Variants in PC observed in about 807,000 individuals in gnomAD.
The protein encoded by PC is pyruvate carboxylase.
A neutral mutation model predicts 107.8 loss-of-function variants in PC; 46 were observed. The observed-to-expected ratio is 0.43, with a 90% CI of 0.34 to 0.55. The LOEUF (loss-of-function observed/expected upper bound fraction) is 0.55, where lower values mean the gene tolerates loss of function less well. Among genes scored for constraint, PC ranks in the 20% least tolerant of loss-of-function variants. The probability of loss-of-function intolerance (pLI) is 0.04; values close to 1 mark genes in which losing one functional copy is unlikely to be tolerated. For missense variants in PC, 1,241 were observed against 1,643.1 expected (o/e 0.76, Z 4.23); for synonymous variants, 662 against 684.7 (o/e 0.97, Z 0.52).
At chr11:66,894,662 G>A (rs753463284) in intron 3 of PC, among the ~76,000 whole-genome samples, 1 of 152,164 alleles carries the variant, frequency 6.6e-6, no homozygotes, top group African/African-American at 2.4e-5. Context: ...GCAGCTCCAG[G>A]CCTCCCACCT....
At chr11:66,894,481 T>A (rs930021946) in intron 3 of PC, among the ~76,000 whole-genome samples, 10 of 152,176 alleles carry the variant, frequency 6.6e-5, no homozygotes, top group East Asian at 1.9e-4. Context: ...ATATATATAT[T>A]TTTAAAGCTA....
Position 66,857,886 on chromosome 11 carries a change from C to T in PC, c.1369-4503G>A, listed in dbSNP as rs773420041. On this transcript the variant is annotated intron_variant, in intron 12 of 22. Transcript: ENST00000393960. The surrounding 1 kb of genome is among the most constrained non-coding windows in gnomAD (Gnocchi z 7.1). ...GCTGTTTGTGCCGCCCAACGTGGAC[C>T]GGCGCACAGTGGAGCTGCGGCTGGC... is the stretch of plus-strand genomic sequence containing the variant. 12 of 1,611,316 alleles carry T rather than the reference C, an allele frequency of 7.4e-6. No individual in the cohort carries two copies. Among genetic ancestry groups the T allele is most frequent in the Admixed American group, 5.0e-5 (3 of 59,992 alleles).
chr11:66,878,119 C>T (rs1011166172), intron 3 of PC, among the ~76,000 whole-genome samples: 1 of 152,196 alleles, frequency 6.6e-6, no homozygotes, highest in Non-Finnish European at 1.5e-5. Flanking sequence ...GGCTATGTGT[C>T]TCCCAGGAGC....
intron 3 of PC, among the ~76,000 whole-genome samples, chr11:66,878,673 G>A (rs1251926923): frequency 6.6e-6 from 1 of 152,232 alleles, no homozygotes; most frequent in Non-Finnish European, 1.5e-5. Context: ...ATGCCTCCGT[G>A]AGTCCTTGTG....
chr11:66,904,858 T>A (rs150057023), intron 3 of PC, among the ~76,000 whole-genome samples: 3 of 152,340 alleles, frequency 2.0e-5, no homozygotes, highest in East Asian at 3.9e-4. Context: ...CTATCATCCA[T>A]CATATGACCT....
In PC at chr11:66,871,073, C is replaced by A. The variant is rs767832081; in HGVS notation, c.612G>T (p.Met204Ile). 8 of 1,613,978 alleles carry A rather than the reference C, an allele frequency of 5.0e-6. No individual in the cohort carries two copies. The South Asian group carries it at 8.8e-5, about 18-fold the overall frequency. The change falls in exon 7 of 23, where the codon ATG becomes ATT. Residue 204 changes from methionine to isoleucine, a missense_variant. Met to Ile is a conservative substitution (Grantham distance 10). This residue lies in a region of PC where 1,143 missense variants were observed against 1,551.9 expected (regional missense o/e 0.74). Coordinates refer to ENST00000393960, the MANE Select transcript of PC (RefSeq NM_001040716.2). This position sits in a 1 kb window ranked among gnomAD's most constrained non-coding sequence, Gnocchi z 7.4. Reference sequence around the variant, plus strand: ...TCACCTCGTAGCTGTGCACCACCCTCATGCCACGCCCTCCACCCCCATAGG... The same window carrying A: ...TCACCTCGTAGCTGTGCACCACCCTAATGCCACGCCCTCCACCCCCATAGG... Reference protein sequence around the residue: ...KAAYGGGGRGMRVVHSYEELE... With the variant: ...KAAYGGGGRGIRVVHSYEELE...
chr11:66,945,857 C>T (rs1420558264), intron 3 of PC, among the ~76,000 whole-genome samples: 4 of 140,626 alleles, frequency 2.8e-5, no homozygotes, highest in Admixed American at 7.0e-5. Flanking sequence ...GAGGCCGAGG[C>T]GGGTGGATCA....
At chr11:66,865,644 C>T (rs1224482083) in intron 11 of PC, among the ~76,000 whole-genome samples, 2 of 152,184 alleles carry the variant, frequency 1.3e-5, no homozygotes, top group African/African-American at 4.8e-5. Flanking sequence ...ACTCTCTCCC[C>T]CACCAAGGCT....
At chr11:66,883,630 C>T (rs796751845) in intron 3 of PC, among the ~76,000 whole-genome samples, 25 of 152,292 alleles carry the variant, frequency 1.6e-4, no homozygotes, top group African/African-American at 6.0e-4. Flanking sequence ...CTTTAATAGA[C>T]ACTGTTAGGG....
At chr11:66,859,196 C>A in intron 12 of PC, 1 of 1,347,374 alleles carries the variant, frequency 7.4e-7, no homozygotes, top group Non-Finnish European at 9.9e-7. Context: ...CTGGGGCTGA[C>A]ACCCCCTCCC....
rs151122985 is a variant in PC at position 66,859,680 on chromosome 11, G to A, written c.1368+4094C>T. 55 of 1,612,864 alleles carry A rather than the reference G, an allele frequency of 3.4e-5. No individual in the cohort carries two copies. The highest frequency in any genetic ancestry group is 3.3e-4 in the Middle Eastern group (2 of 6,082). On this transcript the variant is annotated intron_variant, in intron 12 of 22. Transcript: ENST00000393960. ...CCACCACTTCCTGCTGAAGCACCTC[G>A]TCCCCGGCGCTGACTATGACCTCTG... is the stretch of plus-strand genomic sequence containing the variant.
chr11:66,878,589 T>C (rs930465960), intron 3 of PC, among the ~76,000 whole-genome samples: 1 of 152,188 alleles, frequency 6.6e-6, no homozygotes, highest in Non-Finnish European at 1.5e-5. Flanking sequence ...TCATTTTTTC[T>C]TGGTGGGTAA....
chr11:66,859,880 G>A, intron 12 of PC: 1 of 1,567,400 alleles, frequency 6.4e-7, no homozygotes, highest in South Asian at 1.2e-5. Flanking sequence ...CTGCCTTACT[G>A]GTCTTCACTG....
intron 3 of PC, among the ~76,000 whole-genome samples, chr11:66,943,261 G>T (rs1269745771): frequency 6.6e-6 from 1 of 151,108 alleles, no homozygotes; most frequent in Admixed American, 6.6e-5. Flanking sequence ...GTGGGAAGAT[G>T]TTGAGCCCAG....
chr11:66,865,917 C>G (rs988690018), intron 11 of PC, among the ~76,000 whole-genome samples: 3 of 152,150 alleles, frequency 2.0e-5, no homozygotes, highest in Non-Finnish European at 4.4e-5. Flanking sequence ...TGTCTGGGTC[C>G]CTGCGTTTTG....
At chr11:66,892,152 G>C (rs1219144185) in intron 3 of PC, among the ~76,000 whole-genome samples, 1 of 152,152 alleles carries the variant, frequency 6.6e-6, no homozygotes, top group African/African-American at 2.4e-5. Flanking sequence ...GGAAGGATGA[G>C]AATAAAAGGT....
At chr11:66,859,615 GAC>G in intron 12 of PC, 1 of 1,612,428 alleles carries the variant, frequency 6.2e-7, no homozygotes, top group Non-Finnish European at 8.5e-7. Flanking sequence ...CCCGGGCTCT[GAC>G]CACCTGCCCT....
intron 3 of PC, among the ~76,000 whole-genome samples, chr11:66,946,092 C>CAAAAAAA (rs757767116): frequency 4.5e-5 from 3 of 66,064 alleles, no homozygotes; most frequent in African/African-American, 1.1e-4. Context: ...GACTCCGTCT[C>CAAAAAAA]AAAAAAAAAA....
At position 66,849,229 on chromosome 11, in the gene PC, C is replaced by T; in HGVS notation, c.3288+1G>A. ...CTGGCTGGCCCTGGGGGAGACAATA[C>T]CTTCATGGCCTGGGTGTCCTTGACC... On this transcript the variant is annotated splice_donor_variant, in intron 22 of 22. Coordinates refer to ENST00000393960, the MANE Select transcript of PC (RefSeq NM_001040716.2). LOFTEE classifies it high-confidence loss of function. 1 of 1,613,814 alleles carries T rather than the reference C, an allele frequency of 6.2e-7. No homozygotes were observed. Among genetic ancestry groups the T allele is most frequent in the Non-Finnish European group, 8.5e-7 (1 of 1,180,048 alleles).
Sources: allele counts gnomAD v4.1 joint callset (sites outside exome capture counted in the v4.1 genomes callset), GRCh38; gene constraint gnomAD v4.1.1; regional missense constraint gnomAD v4.1.1; non-coding constraint Gnocchi (gnomAD v3.1); transcripts MANE v1.5; gene names NCBI Gene and HGNC (gene_info 2026-07-23, HGNC 2026-07-21).